Variants in PCDHGA10 observed in about 807,000 individuals in gnomAD.
The protein encoded by PCDHGA10 is protocadherin gamma subfamily A, 10.
In PCDHGA10, 42 loss-of-function variants were observed where a neutral mutation model predicts 59.5. The ratio of observed to expected loss-of-function variants is 0.71; its 90% CI spans 0.55 to 0.91. The LOEUF (loss-of-function observed/expected upper bound fraction) is 0.91, where lower values mean the gene tolerates loss of function less well. Ranked by LOEUF, PCDHGA10 falls within the 40% of genes least tolerant of loss-of-function variation. The probability of loss-of-function intolerance (pLI) is 0.00; values close to 1 mark genes in which losing one functional copy is unlikely to be tolerated. For missense variants in PCDHGA10, 1,111 were observed against 1,198.2 expected (o/e 0.93, Z 1.07); for synonymous variants, 511 against 517.2 (o/e 0.99, Z 0.16).
At chr5:141,496,782 C>T (rs552953558) in intron 2 of PCDHGA10, among the ~76,000 whole-genome samples, 16 of 152,136 alleles carry the variant, frequency 1.1e-4, no homozygotes, top group South Asian at 2.1e-4. Context: ...TGAGCAGGGC[C>T]CTGTGCTAAA....
intron 1 of PCDHGA10, chr5:141,441,116 C>G (rs1358636787): frequency 3.3e-5 from 5 of 152,156 alleles, no homozygotes; most frequent in Non-Finnish European, 7.3e-5. Context: ...GTCCAGTGTA[C>G]AGTTGAGACC....
intron 1 of PCDHGA10, among the ~76,000 whole-genome samples, chr5:141,439,132 G>C (rs1180893484): frequency 6.6e-6 from 1 of 151,054 alleles, no homozygotes; most frequent in African/African-American, 2.4e-5. Context: ...GACAGAGGTT[G>C]CAGTGAGCTG....
At position 141,414,360 on chromosome 5, in the gene PCDHGA10, A is replaced by G. The variant is rs1177384414; in HGVS notation, c.1185A>G (p.Pro395=). The change falls in exon 1 of 4, where the codon CCA becomes CCG. Residue 395 remains proline, a synonymous_variant. Coordinates refer to ENST00000398610, the MANE Select transcript of PCDHGA10 (RefSeq NM_018913.3). ...CCTGTTCCATTTTGGCGTATCTACC[A>G]TTTAAATTAGAAAAGTCCATTGACA... is the stretch of plus-strand genomic sequence containing the variant. ...QVTCSILAYL[P]FKLEKSIDSY... 1 of 1,613,800 alleles carries G rather than the reference A, an allele frequency of 6.2e-7. No individual in the cohort carries two copies. Among genetic ancestry groups the G allele is most frequent in the Non-Finnish European group, 8.5e-7 (1 of 1,179,892 alleles).
rs374655655 is a variant in PCDHGA10, at chr5:141,431,023, C to A, written c.2436+15412C>A. 1 of 1,613,748 alleles carries A rather than the reference C, an allele frequency of 6.2e-7. No homozygotes were observed. The highest frequency in any genetic ancestry group is 2.2e-5 in the East Asian group (1 of 44,862). On this transcript the variant is annotated intron_variant, in intron 1 of 3. Coordinates refer to ENST00000398610, the MANE Select transcript of PCDHGA10 (RefSeq NM_018913.3). The surrounding 1 kb of genome is among the most constrained non-coding windows in gnomAD (Gnocchi z 4.8). ...GCAGCGGCAGCTTGGTCACGGCGGG[C>A]AGGATAGACCGGGAGGAGCTCTGTA...
chr5:141,444,082 A>G (rs942113441), intron 1 of PCDHGA10, among the ~76,000 whole-genome samples: 2 of 151,044 alleles, frequency 1.3e-5, no homozygotes, highest in African/African-American at 2.4e-5. Flanking sequence ...TCACCTGAAA[A>G]GTCTGCTAAG....
Position 141,486,098 on chromosome 5 carries a change from G to A in PCDHGA10, c.2437-8709G>A, listed in dbSNP as rs1211678224. ...AAAGCTTACTCTTTTGGGGCCCCTA[G>A]ACTTTGAGAGTGAGAATTACTATGA... On this transcript the variant is annotated intron_variant, in intron 1 of 3. Transcript: ENST00000398610. This position sits in a 1 kb window ranked among gnomAD's most constrained non-coding sequence, Gnocchi z 5.0. 5.0e-6 allele frequency: 8 copies of A among 1,614,032 alleles called. No homozygotes were observed. Among genetic ancestry groups the A allele is most frequent in the Admixed American group, 3.3e-5 (2 of 59,994 alleles).
At chr5:141,419,972 C>T (rs534128024) in intron 1 of PCDHGA10, 3 of 1,613,948 alleles carry the variant, frequency 1.9e-6, no homozygotes, top group South Asian at 1.1e-5. Flanking sequence ...GCTCTTTCTC[C>T]TCGCGGTGAT....
At chr5:141,497,284 A>G (rs1486878285) in intron 2 of PCDHGA10, among the ~76,000 whole-genome samples, 1 of 152,104 alleles carries the variant, frequency 6.6e-6, no homozygotes, top group South Asian at 2.1e-4. Context: ...TGTTCCCTCT[A>G]CCTACCACCA....
At chr5:141,470,016 C>G (rs116065751) in intron 1 of PCDHGA10, among the ~76,000 whole-genome samples, 1 of 152,146 alleles carries the variant, frequency 6.6e-6, no homozygotes, top group Non-Finnish European at 1.5e-5. Context: ...GTAATCCCAG[C>G]TACTCGGGAT....
intron 1 of PCDHGA10, among the ~76,000 whole-genome samples, chr5:141,483,466 A>C (rs1212605130): frequency 6.6e-6 from 1 of 152,188 alleles, no homozygotes. Context: ...GTTGATTGAC[A>C]TGATATAGGA....
chr5:141,499,029 A>AAGGAAGGAAGGAAGGAAGG (rs1562187768), intron 2 of PCDHGA10, among the ~76,000 whole-genome samples: 3 of 140,076 alleles, frequency 2.1e-5, no homozygotes, highest in African/African-American at 8.3e-5. Flanking sequence ...AGGAAGGAAG[A>AAGGAAGGAAGGAAGGAAGG]AAAGAAAGAA....
chr5:141,465,858 C>T (rs2099110865), intron 1 of PCDHGA10, among the ~76,000 whole-genome samples: 1 of 152,034 alleles, frequency 6.6e-6, no homozygotes, highest in African/African-American at 2.4e-5. Context: ...CCCAGTGGCT[C>T]ATGCCTGTAA....
At chr5:141,445,900 T>C (rs2098480876) in intron 1 of PCDHGA10, among the ~76,000 whole-genome samples, 1 of 152,224 alleles carries the variant, frequency 6.6e-6, no homozygotes, top group African/African-American at 2.4e-5. Flanking sequence ...TATTAAAATA[T>C]TTTAAACAAG....
In PCDHGA10 at chr5:141,414,266, C is replaced by T; in HGVS notation, c.1091C>T (p.Ser364Leu). 6.2e-7 allele frequency: 1 copy of T among 1,613,254 alleles called. No individual in the cohort carries two copies. Among genetic ancestry groups the T allele is most frequent in the Non-Finnish European group, 8.5e-7 (1 of 1,179,628 alleles). Reference protein sequence around the residue: ...TSLFSPVTEDSPLGTVVALLN... With the variant: ...TSLFSPVTEDLPLGTVVALLN... Reference sequence around the variant, plus strand: ...CTATTTAGTCCAGTGACTGAAGATTCACCTCTGGGAACAGTCGTAGCCCTT... The same window carrying T: ...CTATTTAGTCCAGTGACTGAAGATTTACCTCTGGGAACAGTCGTAGCCCTT... The change falls in exon 1 of 4, where the codon TCA becomes TTA. Residue 364 changes from serine (S) to leucine (L), a missense_variant. Ser to Leu is a moderately radical substitution (Grantham distance 145). Coordinates refer to ENST00000398610, the MANE Select transcript of PCDHGA10 (RefSeq NM_018913.3).
rs1562129544 is a variant in PCDHGA10 at position 141,489,362 on chromosome 5, C to G, written c.2437-5445C>G. ...TACTCAGTGGTGGAGGAGTCTGAGC[C>G]GGGGACGCTGGTGGGGAATGTTGCT... On this transcript the variant is annotated intron_variant, in intron 1 of 3. Transcript: ENST00000398610. This position sits in a 1 kb window ranked among gnomAD's most constrained non-coding sequence, Gnocchi z 4.5. 6.2e-7 allele frequency: 1 copy of G among 1,613,052 alleles called. No individual in the cohort carries two copies. Among genetic ancestry groups the G allele is most frequent in the Non-Finnish European group, 8.5e-7 (1 of 1,179,268 alleles).
At chr5:141,508,879 G>A (rs2547559) in intron 3 of PCDHGA10, among the ~76,000 whole-genome samples, 2 of 152,070 alleles carry the variant, frequency 1.3e-5, no homozygotes, top group East Asian at 3.9e-4. Context: ...AGAGGCTGAC[G>A]GCTGGAGGGG....
At position 141,489,108 on chromosome 5, in the gene PCDHGA10, A is replaced by C; in HGVS notation, c.2437-5699A>C. The C allele has an allele frequency of 2.0e-6, 1 of 489,086 alleles. No individual in the cohort carries two copies. The highest frequency in any genetic ancestry group is 3.5e-6 in the Non-Finnish European group (1 of 287,626). 30.3% of individuals were successfully genotyped at this position (489,086 alleles called of 1,614,324 possible). On this transcript the variant is annotated intron_variant, in intron 1 of 3. Transcript: ENST00000398610. This position sits in a 1 kb window ranked among gnomAD's most constrained non-coding sequence, Gnocchi z 4.5. The stretch of plus-strand genomic sequence containing the variant: ...TCGGTGACTAAGAACTGCTGCAAGC[A>C]GGCAAACCTCCGAGCAGTTTTTAAG...
rs531855306 is a variant in PCDHGA10 at position 141,422,110 on chromosome 5, T to C, written c.2436+6499T>C. 230 of 1,606,626 alleles carry C rather than the reference T, an allele frequency of 1.4e-4. 6 individuals carry two copies. The South Asian group carries it at 2.5e-3, about 17-fold the overall frequency. On this transcript the variant is annotated intron_variant, in intron 1 of 3. Coordinates refer to ENST00000398610, the MANE Select transcript of PCDHGA10 (RefSeq NM_018913.3). The stretch of plus-strand genomic sequence containing the variant: ...AAGCAAGGCTTCTGAAATATTCCAA[T>C]TGGATTCACAAACTGGAGAAGTTCA...
At chr5:141,420,077 C>A (rs760626443) in intron 1 of PCDHGA10, 1 of 1,613,900 alleles carries the variant, frequency 6.2e-7, no homozygotes, top group Non-Finnish European at 8.5e-7. Context: ...ACCTGTGGGT[C>A]CCCCCAACTA....
Sources: gnomAD v4.1 joint callset for allele counts (sites outside exome capture counted in the v4.1 genomes callset) on GRCh38, gnomAD v4.1.1 for gene constraint, Gnocchi (gnomAD v3.1) non-coding constraint, MANE v1.5 for transcripts, NCBI Gene and HGNC (gene_info 2026-07-23, HGNC 2026-07-21) for gene names.